Variants in EYS observed in about 807,000 individuals in gnomAD.
The protein encoded by EYS is EGF-like photoreceptor maintenance factor, also known as protein eyes shut homolog.
EYS carries 250 observed loss-of-function variants against 282.1 expected under a neutral mutation model. The ratio of observed to expected loss-of-function variants is 0.89; its 90% CI spans 0.80 to 0.98. The LOEUF (loss-of-function observed/expected upper bound fraction) is 0.98, where lower values mean the gene tolerates loss of function less well. Ranked by LOEUF, EYS falls within the 50% of genes least tolerant of loss-of-function variation. The pLI, the probability that EYS is intolerant of heterozygous loss-of-function variation, is 0.00. For missense variants in EYS, 4,016 were observed against 3,709.0 expected, an observed-to-expected ratio of 1.08 and a Z score of -2.15; for synonymous variants, 1,355 against 1,282.9, an observed-to-expected ratio of 1.06 and a Z score of -1.20.
At chr6:64,540,766 G>A (rs1764676563) in intron 26 of EYS, among the ~76,000 whole-genome samples, 1 of 152,182 alleles carries the variant, frequency 6.6e-6, no homozygotes, top group African/African-American at 2.4e-5. Context: ...TTACAGGCAT[G>A]AGCCATCATG....
At position 64,393,429 on chromosome 6, in the gene EYS, C is replaced by T. The variant is rs182835528; in HGVS notation, c.5928-4589G>A. On this transcript the variant is annotated intron_variant, in intron 28 of 42. Coordinates refer to ENST00000503581, the MANE Select transcript of EYS (RefSeq NM_001142800.2). Reference sequence around the variant, plus strand: ...CCAGCAACACATCAAAAAGCTTATCCACCATGATCAAGTGGGCTTGATCCC... The same window carrying T: ...CCAGCAACACATCAAAAAGCTTATCTACCATGATCAAGTGGGCTTGATCCC... 2.0e-3 allele frequency among the ~76,000 whole-genome samples: 305 copies of T among 152,264 alleles called. 1 individual carries two copies. Among genetic ancestry groups the T allele is most frequent in the Non-Finnish European group, 3.8e-3 (260 of 68,014 alleles).
intron 26 of EYS, among the ~76,000 whole-genome samples, chr6:64,514,869 A>G (rs1477585818): frequency 6.6e-6 from 1 of 151,842 alleles, no homozygotes; most frequent in Non-Finnish European, 1.5e-5. Context: ...AACAAAGATG[A>G]GTAAGAAAAG....
At chr6:65,431,488 T>C (rs1171093448) in intron 5 of EYS, among the ~76,000 whole-genome samples, 2 of 152,004 alleles carry the variant, frequency 1.3e-5, no homozygotes, top group African/African-American at 2.4e-5. Flanking sequence ...TTTATGACAA[T>C]AAAATAAATA....
chr6:64,698,003 C>T (rs1338458407), intron 22 of EYS, among the ~76,000 whole-genome samples: 1 of 151,906 alleles, frequency 6.6e-6, no homozygotes, highest in Admixed American at 6.6e-5. Flanking sequence ...TCTTGAAATA[C>T]AGCAGTATAA....
intron 5 of EYS, among the ~76,000 whole-genome samples, chr6:65,406,341 T>C (rs993663331): frequency 2.6e-5 from 4 of 152,124 alleles, no homozygotes; most frequent in Non-Finnish European, 5.9e-5. Flanking sequence ...CTTTATGATA[T>C]ACGTGATTTG....
At chr6:64,350,333 T>TAA (rs35920198) in intron 29 of EYS, among the ~76,000 whole-genome samples, 3 of 151,236 alleles carry the variant, frequency 2.0e-5, no homozygotes, top group South Asian at 2.1e-4. Context: ...AGCCCTTGCT[T>TAA]AAAAAAAGTT....
At chr6:64,764,494 C>T (rs576106549) in intron 22 of EYS, among the ~76,000 whole-genome samples, 1 of 152,192 alleles carries the variant, frequency 6.6e-6, no homozygotes, top group African/African-American at 2.4e-5. Flanking sequence ...CTGGGCCCAG[C>T]CCACAAAACC....
intron 34 of EYS, among the ~76,000 whole-genome samples, chr6:63,998,298 A>G (rs1232444586): frequency 6.6e-6 from 1 of 152,228 alleles, no homozygotes; most frequent in African/African-American, 2.4e-5. Context: ...TTTGGAAAAT[A>G]CAATGTGCTT....
chr6:65,145,395 T>G (rs138388877), intron 12 of EYS, among the ~76,000 whole-genome samples: 160 of 152,064 alleles, frequency 1.1e-3, no homozygotes, highest in Non-Finnish European at 1.6e-3. Flanking sequence ...ACTTTACAGA[T>G]AGTTAAGTTT....
intron 11 of EYS, among the ~76,000 whole-genome samples, chr6:65,307,965 T>TTTTATTTA (rs573278421): frequency 9.9e-5 from 15 of 151,052 alleles, no homozygotes; most frequent in South Asian, 6.3e-4. Flanking sequence ...AGCCTTTTAT[T>TTTTATTTA]TTTATTTATT....
intron 8 of EYS, among the ~76,000 whole-genome samples, chr6:65,371,679 G>A (rs1024542691): frequency 1.2e-4 from 18 of 150,184 alleles, no homozygotes; most frequent in Admixed American, 8.0e-4. Context: ...TTAATTATGT[G>A]AGCCTTCAAA....
intron 35 of EYS, among the ~76,000 whole-genome samples, chr6:63,888,137 A>G (rs1364243308): frequency 6.6e-6 from 1 of 152,220 alleles, no homozygotes; most frequent in Non-Finnish European, 1.5e-5. Flanking sequence ...CAGCAGCCCC[A>G]GTCAGGAGCT....
chr6:64,547,742 G>A (rs1181453435), intron 26 of EYS, among the ~76,000 whole-genome samples: 1 of 152,208 alleles, frequency 6.6e-6, no homozygotes, highest in African/African-American at 2.4e-5. Flanking sequence ...CAGCCCTTGG[G>A]TGGTCGATGG....
chr6:63,895,307 T>C (rs1773509294), intron 35 of EYS, among the ~76,000 whole-genome samples: 1 of 152,192 alleles, frequency 6.6e-6, no homozygotes. Context: ...ATAGTATTAA[T>C]TACTGTACAA....
chr6:64,038,928 C>T (rs1172863765), intron 33 of EYS, among the ~76,000 whole-genome samples: 2 of 152,110 alleles, frequency 1.3e-5, no homozygotes, highest in Non-Finnish European at 2.9e-5. Context: ...CCTCACTCTC[C>T]TGAGTAGCTA....
chr6:64,550,263 T>G (rs200006825), intron 26 of EYS, among the ~76,000 whole-genome samples: 2 of 152,184 alleles, frequency 1.3e-5, no homozygotes, highest in African/African-American at 2.4e-5. Context: ...GTAATGGGAT[T>G]GCTGGGTCAA....
rs199612356 is a variant in EYS at position 65,475,752 on chromosome 6, G to GACACACAC, written c.862+14841_862+14842insGTGTGTGT. On this transcript the variant is annotated intron_variant, in intron 5 of 42. Coordinates refer to ENST00000503581, the MANE Select transcript of EYS (RefSeq NM_001142800.2). Reference sequence around the variant, plus strand: ...GTACCCCCTGACAGACAGACAGACAGACAGACACACACACACACACACACA... The same window carrying GACACACAC: ...GTACCCCCTGACAGACAGACAGACAGACACACACACAGACACACACACACACACACACA... 3.4e-3 allele frequency among the ~76,000 whole-genome samples: 494 copies of GACACACAC among 144,756 alleles called. 1 individual carries two copies. Among genetic ancestry groups the GACACACAC allele is most frequent in the East Asian group, 9.6e-3 (48 of 5,002 alleles). The allele number at this position is 144,756 out of a possible 152,430, so 95.0% of individuals were successfully genotyped here.
chr6:63,908,039 TGTGTGTG>T, intron 35 of EYS, among the ~76,000 whole-genome samples: 1 of 37,706 alleles, frequency 2.7e-5, no homozygotes, highest in Non-Finnish European at 4.4e-5. Context: ...TATACGTTTG[TGTGTGTG>T]TGTGTGTGTG....
intron 31 of EYS, among the ~76,000 whole-genome samples, chr6:64,110,806 C>T (rs1411916729): frequency 6.6e-6 from 1 of 151,804 alleles, no homozygotes; most frequent in Non-Finnish European, 1.5e-5. Context: ...GAGAGGCAGG[C>T]ACCATAAGGA....
Sources: allele counts gnomAD v4.1 joint callset (sites outside exome capture counted in the v4.1 genomes callset), GRCh38; gene constraint gnomAD v4.1.1; transcripts MANE v1.5; gene names NCBI Gene and HGNC (gene_info 2026-07-23, HGNC 2026-07-21).